The following ZSWIM4 variants were observed in gnomAD, a reference collection of about 807,000 sequenced individuals.
ZSWIM4 encodes zinc finger SWIM-type containing 4.
Under a neutral mutation model 102.5 loss-of-function variants are expected in ZSWIM4, and 62 were observed. The observed-to-expected ratio is 0.60, with a 90% CI of 0.49 to 0.75. ZSWIM4 has a LOEUF of 0.75. Ranked by LOEUF, ZSWIM4 falls within the 30% of genes least tolerant of loss-of-function variation. The pLI is 0.00. For missense variants in ZSWIM4, 1,280 were observed against 1,529.6 expected (o/e 0.84, Z 2.72); for synonymous variants, 652 against 674.5 (o/e 0.97, Z 0.52).
At chr19:13,824,830 GC>G (rs1380064911) in intron 11 of ZSWIM4, among the ~76,000 whole-genome samples, 2 of 151,730 alleles carry the variant, frequency 1.3e-5, no homozygotes, top group East Asian at 3.9e-4. Context: ...CCAAGTATGG[GC>G]CCACCACCAC....
rs368705752 is a variant in ZSWIM4 at position 13,813,097 on chromosome 19, C to T, written c.1113C>T (p.Cys371=). The T allele has an allele frequency of 2.4e-5, 39 of 1,613,982 alleles. No individual in the cohort carries two copies. In the African/African-American group the frequency reaches 4.9e-4, roughly 20 times the overall value. Residue 371 remains cysteine, a synonymous_variant, in exon 6 of 14, where the codon TGC becomes TGT. Coordinates refer to ENST00000590508, the MANE Select transcript of ZSWIM4 (RefSeq NM_001367834.3). ...LLSRWDKLDV[C]PLEEGNYSFD... Reference sequence around the variant, plus strand: ...GCAGGTGGGACAAGCTCGACGTCTGCCCACTGGAAGAGGGCAACTACTCCT... The same window carrying T: ...GCAGGTGGGACAAGCTCGACGTCTGTCCACTGGAAGAGGGCAACTACTCCT...
chr19:13,821,390 G>C, intron 10 of ZSWIM4, among the ~76,000 whole-genome samples: 1 of 152,016 alleles, frequency 6.6e-6, no homozygotes, highest in South Asian at 2.1e-4. Context: ...AACAACTTGG[G>C]ATCCAGCCTG....
At chr19:13,819,965 C>T (rs933616126) in intron 10 of ZSWIM4, among the ~76,000 whole-genome samples, 1 of 151,960 alleles carries the variant, frequency 6.6e-6, no homozygotes, top group Non-Finnish European at 1.5e-5. Context: ...ACACCATTCT[C>T]CTGCCTCAGC....
chr19:13,796,617 C>G (rs148691502), intron 1 of ZSWIM4: 19 of 152,452 alleles, frequency 1.2e-4, no homozygotes. Flanking sequence ...TATCCTATCT[C>G]TTCCCATAGG....
intron 2 of ZSWIM4, among the ~76,000 whole-genome samples, chr19:13,803,714 A>AGAATC (rs1366053542): frequency 6.8e-6 from 1 of 147,314 alleles, no homozygotes; most frequent in Non-Finnish European, 1.5e-5. Context: ...CTGAGGTAGG[A>AGAATC]GAATCGCTTG....
intron 2 of ZSWIM4, among the ~76,000 whole-genome samples, chr19:13,801,189 T>C (rs1300230125): frequency 6.7e-6 from 1 of 149,628 alleles, no homozygotes; most frequent in Non-Finnish European, 1.5e-5. Context: ...AGGGCCACTC[T>C]AGGGACAAGG....
intron 1 of ZSWIM4, among the ~76,000 whole-genome samples, chr19:13,798,881 C>T (rs1034063229): frequency 9.2e-5 from 14 of 152,040 alleles, no homozygotes; most frequent in Admixed American, 2.0e-4. Flanking sequence ...CTCCGCCTCC[C>T]GGGTTCAAGT....
rs945473873 is a variant in ZSWIM4 at position 13,795,592 on chromosome 19, C to T, written c.-57C>T. 2.6e-5 allele frequency: 7 copies of T among 272,784 alleles called. No individual in the cohort carries two copies. The highest frequency in any genetic ancestry group is 1.4e-4 in the African/African-American group (6 of 44,026). 16.9% of individuals were successfully genotyped at this position (272,784 alleles called of 1,614,324 possible). A position where few individuals can be genotyped will look rare whatever the true frequency, so the allele number is the denominator to read the frequency against. On this transcript the variant is annotated 5_prime_UTR_variant, in exon 1 of 14. Coordinates refer to ENST00000590508, the MANE Select transcript of ZSWIM4 (RefSeq NM_001367834.3). ...GCGGGAGCCGGCGAAGCGGAGCGGG[C>T]ATCGGACCGAGCCCCCCAAAGAGGC...
At chr19:13,816,946 G>A (rs1975305433) in intron 7 of ZSWIM4, among the ~76,000 whole-genome samples, 1 of 152,166 alleles carries the variant, frequency 6.6e-6, no homozygotes, top group Non-Finnish European at 1.5e-5. Context: ...CAGGCATGGT[G>A]GCCCATGCCT....
chr19:13,804,020 C>T (rs1252222650), intron 2 of ZSWIM4, among the ~76,000 whole-genome samples: 1 of 150,202 alleles, frequency 6.7e-6, no homozygotes, highest in Non-Finnish European at 1.5e-5. Flanking sequence ...CGCCACCATG[C>T]CCGGCTAATT....
intron 12 of ZSWIM4, among the ~76,000 whole-genome samples, chr19:13,826,307 G>A (rs762725676): frequency 2.0e-5 from 3 of 151,954 alleles, no homozygotes; most frequent in Non-Finnish European, 4.4e-5. Flanking sequence ...ATGGGTGGGT[G>A]AGTTTGAAGC....
rs778763901 is a variant in ZSWIM4, at chr19:13,804,964, T to C, written c.528T>C (p.Ile176=). The part of the protein sequence containing the change: ...AHVVALSLYR[I]RHAHQVELRL... ...TGGTGGCCCTGTCCCTGTACCGCAT[T>C]CGGCACGCCCACCAGGTGGAGCTGC... The change falls in exon 3 of 14, where the codon ATT becomes ATC. Residue 176 remains isoleucine (I), a synonymous_variant. Coordinates refer to ENST00000590508, the MANE Select transcript of ZSWIM4 (RefSeq NM_001367834.3). 5.0e-6 allele frequency: 8 copies of C among 1,613,224 alleles called. No individual in the cohort carries two copies. The highest frequency in any genetic ancestry group is 6.8e-6 in the Non-Finnish European group (8 of 1,180,012).
chr19:13,824,046 T>TGA (rs1386410806), intron 11 of ZSWIM4, among the ~76,000 whole-genome samples: 1 of 132,518 alleles, frequency 7.5e-6, no homozygotes, highest in African/African-American at 2.9e-5. Context: ...GAGAGGAAAG[T>TGA]GAGAGAGAGG....
At chr19:13,823,532 C>G in intron 11 of ZSWIM4, 32 bp downstream of exon 11, 3 of 1,548,830 alleles carry the variant, frequency 1.9e-6, no homozygotes, top group Non-Finnish European at 2.6e-6. Flanking sequence ...ATTCCTTTGT[C>G]TTCCTCCTCT....
chr19:13,828,964 G>A (rs566581984), intron 13 of ZSWIM4, among the ~76,000 whole-genome samples: 1 of 152,188 alleles, frequency 6.6e-6, no homozygotes, highest in East Asian at 1.9e-4. Flanking sequence ...GCTGGGCGTG[G>A]TGGCAAGTGC....
chr19:13,822,161 CAT>C lies in ZSWIM4; in HGVS notation c.2061-1183_2061-1182del, dbSNP rs1208430603. ...TTTAAAACACACAAACACACACACA[CAT>C]ACACACACACACACACACACACACA... On this transcript the variant is annotated intron_variant, in intron 10 of 13. Transcript: ENST00000590508. Among the ~76,000 whole-genome samples the C allele has an allele frequency of 7.7e-4, 89 of 115,596 alleles. 1 individual carries two copies. In the East Asian group the frequency reaches 0.011, roughly 14 times the overall value. 75.8% of individuals were successfully genotyped at this position (115,596 alleles called of 152,430 possible).
chr19:13,813,228 A>G, intron 6 of ZSWIM4, 64 bp downstream of exon 6: 1 of 1,328,282 alleles, frequency 7.5e-7, no homozygotes, highest in Non-Finnish European at 1.0e-6. Context: ...GGCCCCACTT[A>G]CCATCATGGT....
intron 2 of ZSWIM4, 144 bp downstream of exon 2, chr19:13,800,065 A>ATTTTTATTTTTTTTT (rs1974718654): frequency 3.0e-6 from 1 of 334,366 alleles, no homozygotes; most frequent in African/African-American, 4.7e-5. Context: ...ATTGTACAAG[A>ATTTTTATTTTTTTTT]TTTTTTTTTT....
In ZSWIM4 at chr19:13,805,153, G is replaced by A. The variant is rs78029332; in HGVS notation, c.712+5G>A. The A allele has an allele frequency of 3.0e-3, 4,804 of 1,593,918 alleles. 13 individuals are homozygous for A. The highest frequency in any genetic ancestry group is 3.8e-3 in the Non-Finnish European group (4,433 of 1,175,880). On this transcript the variant is annotated splice_donor_5th_base_variant and intron_variant, in intron 3 of 13. Coordinates refer to ENST00000590508, the MANE Select transcript of ZSWIM4 (RefSeq NM_001367834.3). The stretch of plus-strand genomic sequence containing the variant: ...CCGAGATCAACTTGGTGAATGGTAA[G>A]GGCACCCCGGGGGTCCGGTGGGGAG...
Sources: allele counts gnomAD v4.1 joint callset (sites outside exome capture counted in the v4.1 genomes callset), GRCh38; gene constraint gnomAD v4.1.1; transcripts MANE v1.5; gene names NCBI Gene and HGNC (gene_info 2026-07-23, HGNC 2026-07-21).